NOX4: variants seen among roughly 807,000 people sequenced by gnomAD.
NOX4 encodes the protein NADPH oxidase 4.
Under a neutral mutation model 87.6 loss-of-function variants are expected in NOX4, and 69 were observed. The ratio of observed to expected loss-of-function variants is 0.79; its 90% CI spans 0.65 to 0.96. NOX4 has a LOEUF of 0.96. Among genes scored for constraint, NOX4 ranks in the 40% least tolerant of loss-of-function variants. The probability of loss-of-function intolerance (pLI) is 0.00; values close to 1 mark genes in which losing one functional copy is unlikely to be tolerated. For missense variants in NOX4, 680 were observed against 681.5 expected, an observed-to-expected ratio of 1.00 and a Z score of 0.02; for synonymous variants, 275 against 238.2, an observed-to-expected ratio of 1.15 and a Z score of -1.42.
At chr11:89,339,250 C>A (rs1479753279) in intron 15 of NOX4, among the ~76,000 whole-genome samples, 1 of 152,076 alleles carries the variant, frequency 6.6e-6, no homozygotes, top group African/African-American at 2.4e-5. Context: ...TCTGGTGGGT[C>A]TATCATCTCT....
At chr11:89,536,138 C>CTTT in the NOX4 span, among the ~76,000 whole-genome samples, 39 of 88,954 alleles carry the variant, frequency 4.4e-4, 1 homozygote, top group African/African-American at 9.0e-4. Context: ...TGGTCCTTTT[C>CTTT]TTTTTTTTTT....
chr11:89,480,727 T>C (rs568078098), intron 2 of NOX4, among the ~76,000 whole-genome samples: 1 of 152,000 alleles, frequency 6.6e-6, no homozygotes. Context: ...AACAGGAACT[T>C]GGCACAATGT....
At chr11:89,571,105 A>G in the NOX4 span, among the ~76,000 whole-genome samples, 1 of 152,176 alleles carries the variant, frequency 6.6e-6, no homozygotes, top group Non-Finnish European at 1.5e-5. Flanking sequence ...CAGTTTAGCC[A>G]TTCTGGCATA....
intron 13 of NOX4, among the ~76,000 whole-genome samples, chr11:89,343,294 C>T (rs745505760): frequency 2.0e-5 from 3 of 152,072 alleles, no homozygotes; most frequent in Non-Finnish European, 4.4e-5. Context: ...ACACAAATAT[C>T]AGAAATACAT....
chr11:89,543,899 G>A, the NOX4 span, among the ~76,000 whole-genome samples: 1 of 150,216 alleles, frequency 6.7e-6, no homozygotes, highest in Admixed American at 6.7e-5. Context: ...GGTGACCACT[G>A]AAAGAAATAA....
intron 12 of NOX4, among the ~76,000 whole-genome samples, chr11:89,368,468 G>GCTCTC (rs1343092976): frequency 2.0e-5 from 3 of 152,076 alleles, no homozygotes; most frequent in African/African-American, 7.2e-5. Flanking sequence ...GGTAAAGTCT[G>GCTCTC]CTCTCCGCTT....
intron 12 of NOX4, among the ~76,000 whole-genome samples, chr11:89,372,777 T>C (rs949716765): frequency 1.3e-5 from 2 of 151,998 alleles, no homozygotes; most frequent in African/African-American, 2.4e-5. Flanking sequence ...CCTGTAACAA[T>C]AACATAACCA....
At chr11:89,454,390 A>G (rs574695672) in intron 2 of NOX4, among the ~76,000 whole-genome samples, 3 of 152,194 alleles carry the variant, frequency 2.0e-5, no homozygotes, top group African/African-American at 7.2e-5. Context: ...AGCTGTTACA[A>G]AATAATAATA....
intron 8 of NOX4, among the ~76,000 whole-genome samples, chr11:89,418,503 T>G (rs1168856981): frequency 6.6e-6 from 1 of 150,436 alleles, no homozygotes; most frequent in African/African-American, 2.4e-5. Context: ...AGAGCAAATG[T>G]TAGTAAAAGA....
the NOX4 span, among the ~76,000 whole-genome samples, chr11:89,561,599 T>C: frequency 6.6e-6 from 1 of 152,216 alleles, no homozygotes; most frequent in African/African-American, 2.4e-5. Flanking sequence ...AATTTCCTCA[T>C]GTGGAATTCT....
chr11:89,387,891 G>T (rs1000659790), intron 11 of NOX4, among the ~76,000 whole-genome samples: 3 of 152,232 alleles, frequency 2.0e-5, no homozygotes, highest in East Asian at 1.9e-4. Context: ...GAAAATACTT[G>T]CAGACATCCA....
chr11:89,373,277 C>CAAAAAAAAAAAAA (rs144113376), intron 12 of NOX4, among the ~76,000 whole-genome samples, 155 bp downstream of exon 12: 39 of 59,064 alleles, frequency 6.6e-4, no homozygotes, highest in Middle Eastern at 0.024. Context: ...ACTGTACAAG[C>CAAAAAAAAAAAAA]AAAAAAAAAA....
chr11:89,568,208 C>T, the NOX4 span, among the ~76,000 whole-genome samples: 248 of 151,922 alleles, frequency 1.6e-3, no homozygotes, highest in Middle Eastern at 6.8e-3. Flanking sequence ...GCAAATCAAC[C>T]GGAAAACTAG....
chr11:89,444,013 A>T, intron 5 of NOX4, 122 bp downstream of exon 5: 1 of 729,422 alleles, frequency 1.4e-6, no homozygotes, highest in South Asian at 1.7e-5. Context: ...TCAACTTGAC[A>T]ACTGCATTTT....
the NOX4 span, chr11:89,546,660 A>G: frequency 6.6e-6 from 1 of 152,278 alleles, no homozygotes; most frequent in African/African-American, 2.4e-5. Flanking sequence ...GGAAAATCCA[A>G]TGTCTAGACG....
intron 11 of NOX4, among the ~76,000 whole-genome samples, chr11:89,374,559 A>G (rs1939691836): frequency 6.6e-6 from 1 of 152,202 alleles, no homozygotes. Flanking sequence ...TCTTTTATAG[A>G]TAAGAAAATT....
chr11:89,553,249 G>A, the NOX4 span, among the ~76,000 whole-genome samples: 1 of 152,126 alleles, frequency 6.6e-6, no homozygotes, highest in Non-Finnish European at 1.5e-5. Context: ...GGGTTGTCCT[G>A]GTGGGAGGTG....
chr11:89,424,232 A>AT (rs1489235802), intron 7 of NOX4, among the ~76,000 whole-genome samples: 2 of 151,568 alleles, frequency 1.3e-5, no homozygotes, highest in Non-Finnish European at 2.9e-5. Flanking sequence ...ATTTTATTCA[A>AT]TTTTTCAAAC....
chr11:89,435,238 C>A (rs1226600416), intron 6 of NOX4, among the ~76,000 whole-genome samples: 7 of 151,804 alleles, frequency 4.6e-5, no homozygotes, highest in Non-Finnish European at 1.5e-5. Context: ...TGATAGAATC[C>A]CAGATGGCTA....
Sources: allele counts gnomAD v4.1 joint callset (sites outside exome capture counted in the v4.1 genomes callset), GRCh38; gene constraint gnomAD v4.1.1; transcripts MANE v1.5; gene names NCBI Gene and HGNC (gene_info 2026-07-23, HGNC 2026-07-21).